The following MGST3 variants were observed in gnomAD, a reference collection of about 807,000 sequenced individuals.
MGST3 encodes the protein glutathione S-transferase 3, mitochondrial.
A neutral mutation model predicts 15.8 loss-of-function variants in MGST3; 13 were observed. That is an observed-to-expected ratio of 0.82 (90% CI 0.54 to 1.31). The LOEUF is 1.31. Ranked by LOEUF, MGST3 falls within the 50% of genes most tolerant of loss-of-function variation. The pLI is 0.00. For missense variants in MGST3, 155 were observed against 192.4 expected (o/e 0.81, Z 1.15); for synonymous variants, 49 against 68.1 (o/e 0.72, Z 1.38).
intron 1 of MGST3, chr1:165,632,068 C>A: frequency 1.7e-6 from 1 of 601,326 alleles, no homozygotes. Flanking sequence ...GAGTCATTCC[C>A]CGAAGTTGTG....
chr1:165,654,379 A>T, intron 5 of MGST3, 28 bp downstream of exon 5: 2 of 1,603,620 alleles, frequency 1.2e-6, no homozygotes, highest in South Asian at 2.2e-5. Context: ...TTTGCCAAGG[A>T]AACAACTTTA....
At chr1:165,652,661 C>G (rs889555280) in intron 4 of MGST3, among the ~76,000 whole-genome samples, 3 of 152,114 alleles carry the variant, frequency 2.0e-5, no homozygotes, top group African/African-American at 7.2e-5. Context: ...AGGTGCTGCA[C>G]GAGTTTCCCC....
chr1:165,631,989 G>A, intron 1 of MGST3: 1 of 443,818 alleles, frequency 2.3e-6, no homozygotes, highest in African/African-American at 1.9e-5. Flanking sequence ...TGGGGTGGCA[G>A]CACGGAGCCG....
intron 1 of MGST3, among the ~76,000 whole-genome samples, chr1:165,643,653 G>A (rs61800391): frequency 0.14 from 20,528 of 151,666 alleles, 1,558 homozygotes; most frequent in Non-Finnish European, 0.16. Flanking sequence ...ATCAGTTGAG[G>A]CCAGGAGTTT....
chr1:165,652,079 C>T, intron 4 of MGST3, 44 bp downstream of exon 4: 1 of 1,328,296 alleles, frequency 7.5e-7, no homozygotes, highest in East Asian at 2.3e-5. Flanking sequence ...TAGTAGTTCA[C>T]TGAGCTATTA....
At chr1:165,634,800 C>CTCCCTCCCCCCCCCT (rs1383199780) in intron 1 of MGST3, among the ~76,000 whole-genome samples, 1 of 17,610 alleles carries the variant, frequency 5.7e-5, no homozygotes. Context: ...TCCCTCCCCC[C>CTCCCTCCCCCCCCCT]CACTCTCAAC....
chr1:165,645,183 G>A lies in MGST3; in HGVS notation c.-7-4658G>A, dbSNP rs112902749. On this transcript the variant is annotated intron_variant, in intron 1 of 5. Coordinates refer to ENST00000367889, the MANE Select transcript of MGST3 (RefSeq NM_004528.4). ...ACACCCATACTGACTTTGAGCTGAT[G>A]GCCTTTGTAGGTTTCTAACTGGAAG... 3.9e-5 allele frequency among the ~76,000 whole-genome samples: 6 copies of A among 152,128 alleles called. 1 individual carries two copies. The highest frequency in any genetic ancestry group is 1.4e-4 in the African/African-American group (6 of 41,516).
In MGST3 at chr1:165,655,773, T is replaced by C; in HGVS notation, c.*269T>C. The C allele has an allele frequency of 2.1e-6, 1 of 479,932 alleles. No homozygotes were observed. 29.7% of individuals were successfully genotyped at this position (479,932 alleles called of 1,614,324 possible). A position where few individuals can be genotyped will look rare whatever the true frequency, so the allele number is the denominator to read the frequency against. ...TATGTGAGGTTGAGAAAAAGTCTGA[T>C]TGTGGTGATGTAGGTATAGTCATGC... On this transcript the variant is annotated 3_prime_UTR_variant, in exon 6 of 6. Coordinates refer to ENST00000367889, the MANE Select transcript of MGST3 (RefSeq NM_004528.4).
At chr1:165,651,321 G>A in intron 3 of MGST3, 1 of 571,434 alleles carries the variant, frequency 1.7e-6, no homozygotes, top group South Asian at 1.9e-5. Context: ...TGTCTTCATG[G>A]TTGCATTACC....
intron 2 of MGST3, 170 bp from the exon 3 acceptor site, chr1:165,650,844 T>C (rs929988599): frequency 4.6e-6 from 3 of 657,724 alleles, no homozygotes; most frequent in Non-Finnish European, 8.3e-6. Context: ...ACTCTGCTTC[T>C]GAGAATTGAG....
chr1:165,636,540 A>G (rs1459390477), intron 1 of MGST3, among the ~76,000 whole-genome samples: 1 of 152,128 alleles, frequency 6.6e-6, no homozygotes, highest in Non-Finnish European at 1.5e-5. Flanking sequence ...GTTCGAGACC[A>G]GTCTGATCAA....
chr1:165,634,795 C>CCCTCTCCCTCCCTCCCTT (rs1465249149), intron 1 of MGST3, among the ~76,000 whole-genome samples: 8 of 127,896 alleles, frequency 6.3e-5, no homozygotes, highest in Non-Finnish European at 1.3e-4. Flanking sequence ...CTCCCTCCCT[C>CCCTCTCCCTCCCTCCCTT]CCCCCCACTC....
intron 1 of MGST3, among the ~76,000 whole-genome samples, chr1:165,639,100 C>T (rs1648198604): frequency 6.6e-6 from 1 of 152,176 alleles, no homozygotes; most frequent in Admixed American, 6.5e-5. Context: ...TTCCAACGAT[C>T]GTGGATCTGT....
At chr1:165,651,358 C>T in intron 3 of MGST3, 1 of 508,938 alleles carries the variant, frequency 2.0e-6, no homozygotes, top group Non-Finnish European at 3.6e-6. Context: ...CATGACCCAT[C>T]TAAACCGATG....
At chr1:165,650,015 G>A (rs751557327) in intron 2 of MGST3, 51 bp downstream of exon 2, 2 of 1,611,256 alleles carry the variant, frequency 1.2e-6, no homozygotes, top group Non-Finnish European at 1.7e-6. Context: ...GGGGGCCACA[G>A]GCTTAGCCAA....
chr1:165,649,580 A>G (rs1184783933), intron 1 of MGST3: 4 of 434,496 alleles, frequency 9.2e-6, no homozygotes, highest in Non-Finnish European at 1.7e-5. Flanking sequence ...AATGTTGATC[A>G]GAATCTCCCA....
chr1:165,645,693 A>G (rs1648379871), intron 1 of MGST3: 2 of 152,202 alleles, frequency 1.3e-5, no homozygotes, highest in African/African-American at 4.8e-5. Flanking sequence ...CGATGTTACA[A>G]TGGCACAGTG....
At chr1:165,648,816 A>G (rs567104438) in intron 1 of MGST3, 1 of 152,360 alleles carries the variant, frequency 6.6e-6, no homozygotes, top group Admixed American at 6.5e-5. Context: ...GAAAGGGAAT[A>G]TTGGAACCAA....
chr1:165,655,507 A>AATTATAGGG lies in MGST3; in HGVS notation c.*4_*12dup, dbSNP rs1414609614. On this transcript the variant is annotated 3_prime_UTR_variant, in exon 6 of 6. Coordinates refer to ENST00000367889, the MANE Select transcript of MGST3 (RefSeq NM_004528.4). ...GTGGACCCAAATGCTGCCATTAAAG[A>AATTATAGGG]ATTATAGGGGTTTAAAAACTCTCAT... The AATTATAGGG allele has an allele frequency of 5.0e-6, 8 of 1,613,906 alleles. No individual in the cohort carries two copies. Among genetic ancestry groups the AATTATAGGG allele is most frequent in the Non-Finnish European group, 6.8e-6 (8 of 1,180,004 alleles).
Sources: allele counts gnomAD v4.1 joint callset (sites outside exome capture counted in the v4.1 genomes callset), GRCh38; gene constraint gnomAD v4.1.1; transcripts MANE v1.5; gene names NCBI Gene and HGNC (gene_info 2026-07-23, HGNC 2026-07-21).